The following PSAP variants were observed in gnomAD, a reference collection of about 807,000 sequenced individuals.
PSAP encodes the protein prosaposin.
A neutral mutation model predicts 66.0 loss-of-function variants in PSAP; 25 were observed. That is an observed-to-expected ratio of 0.38 (90% CI 0.28 to 0.53). The LOEUF (loss-of-function observed/expected upper bound fraction) is 0.53. PSAP is among the 20% of genes least tolerant of loss of function. The pLI is 0.83. For synonymous variants in PSAP, 273 were observed against 258.9 expected (o/e 1.05, Z -0.52); for missense variants, 649 against 668.8 (o/e 0.97, Z 0.33).
chr10:71,819,299 C>A, intron 11 of PSAP, 166 bp downstream of exon 11: 1 of 1,142,514 alleles, frequency 8.8e-7, no homozygotes, highest in Non-Finnish European at 1.3e-6. Context: ...AGGTTGCTTC[C>A]CCCAGTGGCT....
At chr10:71,830,185 C>T (rs1270380278) in intron 4 of PSAP, among the ~76,000 whole-genome samples, 1 of 152,114 alleles carries the variant, frequency 6.6e-6, no homozygotes, top group East Asian at 1.9e-4. Context: ...CAAACTTACC[C>T]CTCATTCTAT....
At chr10:71,846,572 A>G (rs1447482414) in intron 1 of PSAP, among the ~76,000 whole-genome samples, 3 of 151,962 alleles carry the variant, frequency 2.0e-5, no homozygotes, top group Non-Finnish European at 2.9e-5. Flanking sequence ...TAAAAATACA[A>G]AAATTAGCCA....
chr10:71,840,567 C>A (rs920480007), intron 1 of PSAP, among the ~76,000 whole-genome samples: 6 of 152,234 alleles, frequency 3.9e-5, no homozygotes, highest in Admixed American at 6.5e-5. Context: ...GAATAGTATA[C>A]GCTCAGAGGT....
intron 13 of PSAP, 128 bp downstream of exon 13, chr10:71,818,489 G>T: frequency 1.1e-6 from 1 of 871,472 alleles, no homozygotes; most frequent in Non-Finnish European, 2.0e-6. Context: ...ACCTCTCTGG[G>T]CCTCAGCTTT....
chr10:71,823,985 C>T (rs1432039318), intron 7 of PSAP: 18 of 1,024,970 alleles, frequency 1.8e-5, no homozygotes, highest in Non-Finnish European at 2.4e-5. Context: ...AACAATCAAG[C>T]AGTTAACCAG....
rs7869 is a variant in PSAP at position 71,816,550 on chromosome 10, C to T, written c.*891G>A. 0.32 allele frequency: 140,023 copies of T among 442,896 alleles called. 24,052 individuals carry two copies. The highest frequency in any genetic ancestry group is 0.63 in the East Asian group (8,526 of 13,624). The allele number at this position is 442,896 out of a possible 1,614,324, so 27.4% of individuals were successfully genotyped here. A position where few individuals can be genotyped will look rare whatever the true frequency, so the allele number is the denominator to read the frequency against. ...CCAGGAAGCCAGAGGCCTAGGAGCT[C>T]GCCATCCATATTTATTTGAAAAGGT... On this transcript the variant is annotated 3_prime_UTR_variant, in exon 14 of 14. Transcript: ENST00000394936.
chr10:71,817,367 C>A lies in PSAP; in HGVS notation c.*74G>T. The A allele has an allele frequency of 6.9e-7, 1 of 1,451,424 alleles. No homozygotes were observed. The highest frequency in any genetic ancestry group is 1.1e-5 in the South Asian group (1 of 87,810). 89.9% of individuals were successfully genotyped at this position (1,451,424 alleles called of 1,614,324 possible). A position where few individuals can be genotyped will look rare whatever the true frequency, so the allele number is the denominator to read the frequency against. On this transcript the variant is annotated 3_prime_UTR_variant, in exon 14 of 14. Coordinates refer to ENST00000394936, the MANE Select transcript of PSAP (RefSeq NM_002778.4). The stretch of plus-strand genomic sequence containing the variant: ...TATAACAAAGTCAAACAGATCTGTG[C>A]GTTCATTCCCCCAGACACACAAGTA...
intron 13 of PSAP, among the ~76,000 whole-genome samples, chr10:71,818,292 G>C (rs948402450): frequency 6.6e-6 from 1 of 152,216 alleles, no homozygotes; most frequent in Non-Finnish European, 1.5e-5. Flanking sequence ...GAATCCCACA[G>C]ACCTTGTACA....
chr10:71,825,695 T>C, intron 7 of PSAP, 142 bp downstream of exon 7: 3 of 771,348 alleles, frequency 3.9e-6, no homozygotes, highest in Non-Finnish European at 6.7e-6. Flanking sequence ...GAGAGTCTCC[T>C]AGCCAGAGGG....
chr10:71,837,711 G>C (rs1842653131), intron 1 of PSAP, among the ~76,000 whole-genome samples: 1 of 152,230 alleles, frequency 6.6e-6, no homozygotes, highest in Admixed American at 6.5e-5. Flanking sequence ...GCATCGGTGG[G>C]AATGGGAGCG....
intron 5 of PSAP, 111 bp downstream of exon 5, chr10:71,828,766 G>A (rs1339883830): frequency 1.3e-5 from 15 of 1,181,646 alleles, no homozygotes; most frequent in African/African-American, 3.0e-5. Context: ...GCAGAGTCAC[G>A]CACAGGGATA....
rs188684610 is a variant in PSAP at position 71,829,486 on chromosome 10, A to G, written c.376-409T>C. Among the ~76,000 whole-genome samples, 270 of 152,272 alleles carry G rather than the reference A, an allele frequency of 1.8e-3. 5 individuals carry two copies. The South Asian group carries it at 0.034, about 19-fold the overall frequency. ...TTTATAAAGGGCAGTTCCCCTGCAC[A>G]TGCTCTCTTGCCTGCTGCCATGTAA... On this transcript the variant is annotated intron_variant, in intron 4 of 13. Transcript: ENST00000394936.
intron 8 of PSAP, among the ~76,000 whole-genome samples, chr10:71,821,173 G>A (rs988879722): frequency 1.3e-5 from 2 of 152,228 alleles, no homozygotes; most frequent in African/African-American, 4.8e-5. Flanking sequence ...CACATGCAGA[G>A]AGGAGACAGC....
intron 8 of PSAP, among the ~76,000 whole-genome samples, chr10:71,820,620 G>A (rs769362585): frequency 2.3e-5 from 3 of 131,014 alleles, no homozygotes; most frequent in Non-Finnish European, 4.7e-5. Flanking sequence ...TCCCCACCCC[G>A]AAGAGCTGTC....
At chr10:71,828,834 T>C (rs771617101) in intron 5 of PSAP, 43 bp downstream of exon 5, 5 of 1,608,952 alleles carry the variant, frequency 3.1e-6, no homozygotes, top group South Asian at 1.1e-5. Flanking sequence ...TCATCTCCAG[T>C]GCAACCAAAA....
At position 71,829,010 on chromosome 10, in the gene PSAP, A is replaced by G; in HGVS notation, c.443T>C (p.Leu148Pro). ...GGACTCCAGCTGCTTCTGGTGATTCAGCTCTGCTAGGTGCTTCTGGAGAGA... is the reference window on the plus strand; with the variant it reads ...GGACTCCAGCTGCTTCTGGTGATTCGGCTCTGCTAGGTGCTTCTGGAGAGA... ...CESLQKHLAE[L>P]NHQKQLESNK... Residue 148 changes from leucine to proline, a missense_variant, in exon 5 of 14, where the codon CTG (leucine) becomes CCG (proline). Transcript: ENST00000394936. 6 of 1,614,082 alleles carry G rather than the reference A, an allele frequency of 3.7e-6. No individual in the cohort carries two copies. The highest frequency in any genetic ancestry group is 4.2e-6 in the Non-Finnish European group (5 of 1,180,008).
chr10:71,837,107 C>G (rs1842640463), intron 1 of PSAP, among the ~76,000 whole-genome samples: 1 of 152,226 alleles, frequency 6.6e-6, no homozygotes, highest in African/African-American at 2.4e-5. Context: ...CAGCGTAAAA[C>G]AGATTTCCGT....
intron 9 of PSAP, 87 bp from the exon 10 acceptor site, chr10:71,819,987 A>C: frequency 8.3e-7 from 1 of 1,208,154 alleles, no homozygotes; most frequent in Non-Finnish European, 1.2e-6. Context: ...TGGCCAGGAA[A>C]TGAGTCAATG....
At position 71,816,622 on chromosome 10, in the gene PSAP, C is replaced by A. The variant is rs983677931; in HGVS notation, c.*819G>T. On this transcript the variant is annotated 3_prime_UTR_variant, in exon 14 of 14. Coordinates refer to ENST00000394936, the MANE Select transcript of PSAP (RefSeq NM_002778.4). Reference sequence around the variant, plus strand: ...AAGGGAGGGGTGCAGGCTGAAGCAGCGCCTCAACAGCCAGGGACATGTAGG... The same window carrying A: ...AAGGGAGGGGTGCAGGCTGAAGCAGAGCCTCAACAGCCAGGGACATGTAGG... 25 of 377,594 alleles carry A rather than the reference C, an allele frequency of 6.6e-5. No homozygotes were observed. Among genetic ancestry groups the A allele is most frequent in the South Asian group, 4.8e-4 (25 of 52,178 alleles). The allele number at this position is 377,594 out of a possible 1,614,324, so 23.4% of individuals were successfully genotyped here. A position where few individuals can be genotyped will look rare whatever the true frequency, so the allele number is the denominator to read the frequency against.
Sources: gnomAD v4.1 joint callset for allele counts (sites outside exome capture counted in the v4.1 genomes callset) on GRCh38, gnomAD v4.1.1 for gene constraint, MANE v1.5 for transcripts, NCBI Gene and HGNC (gene_info 2026-07-23, HGNC 2026-07-21) for gene names.